IL1RAPL2: variants seen among roughly 807,000 people sequenced by gnomAD.
The protein encoded by IL1RAPL2 is interleukin 1 receptor accessory protein like 2.
Under a neutral mutation model 44.1 loss-of-function variants are expected in IL1RAPL2, and 3 were observed. That is an observed-to-expected ratio of 0.07 (90% CI 0.03 to 0.18). The LOEUF is 0.18. IL1RAPL2 is among the 10% of genes least tolerant of loss of function. The pLI, the probability that IL1RAPL2 is intolerant of heterozygous loss-of-function variation, is 1.00. For synonymous variants in IL1RAPL2, 181 were observed against 178.8 expected (o/e 1.01, Z -0.10); for missense variants, 391 against 496.4 (o/e 0.79, Z 2.02).
intron 2 of IL1RAPL2, among the ~76,000 whole-genome samples, chrX:104,947,303 A>G (rs1320265265): frequency 9.8e-6 from 1 of 101,606 alleles, no homozygotes; most frequent in African/African-American, 3.6e-5. Flanking sequence ...TTCATTGTAG[A>G]TTCTGGATAT....
chrX:104,712,585 C>A (rs1273314644), intron 2 of IL1RAPL2, among the ~76,000 whole-genome samples: 1 of 111,060 alleles, frequency 9.0e-6, no homozygotes, highest in Non-Finnish European at 1.9e-5. Context: ...AATAAATATA[C>A]ATTTGAGAGA....
intron 2 of IL1RAPL2, among the ~76,000 whole-genome samples, chrX:104,975,490 A>G (rs1022914324): frequency 8.9e-6 from 1 of 112,385 alleles, no homozygotes; most frequent in African/African-American, 3.2e-5. Flanking sequence ...AGACAACTGG[A>G]TTCAAGTTAT....
intron 1 of IL1RAPL2, among the ~76,000 whole-genome samples, chrX:104,621,328 C>T (rs1409581579): frequency 1.8e-5 from 2 of 108,187 alleles, no homozygotes; most frequent in Non-Finnish European, 3.8e-5. Context: ...TACATCTCAG[C>T]AGTAGGCATT....
intron 2 of IL1RAPL2, among the ~76,000 whole-genome samples, chrX:105,017,196 T>C (rs1361742768): frequency 9.0e-6 from 1 of 110,959 alleles, no homozygotes; most frequent in Non-Finnish European, 1.9e-5. Context: ...TTCTTTCTTT[T>C]CTTCTTTATT....
At chrX:105,674,387 G>T (rs1330406978) in intron 6 of IL1RAPL2, among the ~76,000 whole-genome samples, 1 of 111,836 alleles carries the variant, frequency 8.9e-6, no homozygotes, top group Non-Finnish European at 1.9e-5. Context: ...TTGAACAAAT[G>T]GATAGCCAGT....
At chrX:105,201,946 A>G (rs1188042154) in intron 3 of IL1RAPL2, among the ~76,000 whole-genome samples, 1 of 111,389 alleles carries the variant, frequency 9.0e-6, no homozygotes, top group African/African-American at 3.3e-5. Context: ...GTAATTAGTT[A>G]TTTTTCTATC....
intron 2 of IL1RAPL2, among the ~76,000 whole-genome samples, chrX:104,691,550 T>A (rs750843220): frequency 1.8e-5 from 2 of 112,302 alleles, no homozygotes; most frequent in Non-Finnish European, 3.8e-5. Flanking sequence ...ATGACATTTC[T>A]CTCCATTAAG....
chrX:104,802,143 G>A (rs980770804), intron 2 of IL1RAPL2, among the ~76,000 whole-genome samples: 8 of 110,386 alleles, frequency 7.2e-5, no homozygotes, highest in Non-Finnish European at 1.1e-4. Flanking sequence ...TCAGGAGTTC[G>A]AGACCAGCCT....
intron 2 of IL1RAPL2, among the ~76,000 whole-genome samples, chrX:105,171,301 G>T (rs1481898363): frequency 1.8e-5 from 2 of 110,916 alleles, no homozygotes; most frequent in Non-Finnish European, 3.8e-5. Context: ...TGGGGCCCAT[G>T]GTAGGAGAAG....
chrX:105,287,115 T>C (rs1233512856), intron 5 of IL1RAPL2, among the ~76,000 whole-genome samples: 1 of 111,862 alleles, frequency 8.9e-6, no homozygotes, highest in East Asian at 2.8e-4. Flanking sequence ...AATTGTGAAA[T>C]TGCTATGGCG....
At chrX:104,914,548 C>G (rs1031549567) in intron 2 of IL1RAPL2, among the ~76,000 whole-genome samples, 2 of 111,483 alleles carry the variant, frequency 1.8e-5, no homozygotes, top group Non-Finnish European at 3.8e-5. Context: ...ACAAAACACA[C>G]ATGTTGTGAT....
chrX:104,697,469 G>A (rs914595644), intron 2 of IL1RAPL2, among the ~76,000 whole-genome samples: 1 of 112,146 alleles, frequency 8.9e-6, no homozygotes, highest in Non-Finnish European at 1.9e-5. Flanking sequence ...AAATAAGAAG[G>A]CAGTTTTGCT....
chrX:104,631,613 G>A (rs1213180052), intron 1 of IL1RAPL2, among the ~76,000 whole-genome samples: 9 of 112,098 alleles, frequency 8.0e-5, no homozygotes, highest in South Asian at 3.7e-4. Flanking sequence ...TTTTTCATGT[G>A]TCTTTTGGCT....
intron 2 of IL1RAPL2, among the ~76,000 whole-genome samples, chrX:104,898,580 CCTTAA>C (rs759621232): frequency 8.9e-6 from 1 of 112,799 alleles, no homozygotes; most frequent in South Asian, 3.6e-4. Flanking sequence ...ACTGATATCT[CCTTAA>C]CTTAACTCTT....
chrX:104,694,287 C>G (rs765683874), intron 2 of IL1RAPL2, among the ~76,000 whole-genome samples: 3 of 111,793 alleles, frequency 2.7e-5, no homozygotes, highest in Non-Finnish European at 5.6e-5. Flanking sequence ...TTTCTTCAGA[C>G]TGTAATTAAC....
chrX:105,534,040 G>A (rs1250445235), intron 6 of IL1RAPL2, among the ~76,000 whole-genome samples: 1 of 112,053 alleles, frequency 8.9e-6, no homozygotes, highest in Admixed American at 9.5e-5. Context: ...TTGTTTATAT[G>A]TATTTTTGTA....
At chrX:104,812,248 A>T (rs1455469830) in intron 2 of IL1RAPL2, among the ~76,000 whole-genome samples, 3 of 111,559 alleles carry the variant, frequency 2.7e-5, no homozygotes, top group Non-Finnish European at 5.7e-5. Context: ...ACAGAGTCCT[A>T]CACTATTAGT....
intron 2 of IL1RAPL2, among the ~76,000 whole-genome samples, chrX:104,836,028 C>A (rs1921733303): frequency 8.9e-6 from 1 of 111,792 alleles, no homozygotes; most frequent in African/African-American, 3.2e-5. Flanking sequence ...TTATTATCCA[C>A]ATCAAGAAAC....
At chrX:105,726,156 AAATAAT>A (rs566154849) in intron 7 of IL1RAPL2, among the ~76,000 whole-genome samples, 6 of 111,841 alleles carry the variant, frequency 5.4e-5, no homozygotes, top group African/African-American at 1.3e-4. Context: ...TATAATTAGT[AAATAAT>A]AATAATAATA....
Sources: gnomAD v4.1 joint callset for allele counts (sites outside exome capture counted in the v4.1 genomes callset) on GRCh38, gnomAD v4.1.1 for gene constraint, MANE v1.5 for transcripts, NCBI Gene and HGNC (gene_info 2026-07-23, HGNC 2026-07-21) for gene names.